The following CCDC171 variants were observed in gnomAD, a reference collection of about 807,000 sequenced individuals.
The protein encoded by CCDC171 is coiled-coil domain containing 171.
Under a neutral mutation model 168.2 loss-of-function variants are expected in CCDC171, and 177 were observed. The observed-to-expected ratio is 1.05, with a 90% CI of 0.93 to 1.19. The LOEUF (loss-of-function observed/expected upper bound fraction) is 1.19, where lower values mean the gene tolerates loss of function less well. CCDC171 is among the 50% of genes most tolerant of loss of function. The probability of loss-of-function intolerance (pLI) is 0.00; values close to 1 mark genes in which losing one functional copy is unlikely to be tolerated. For missense variants in CCDC171, 1,991 were observed against 1,539.0 expected (o/e 1.29, Z -4.91); for synonymous variants, 687 against 540.8 (o/e 1.27, Z -3.75).
intron 2 of CCDC171, among the ~76,000 whole-genome samples, chr9:15,565,881 C>T (rs2039688639): frequency 6.6e-6 from 1 of 152,200 alleles, no homozygotes; most frequent in Non-Finnish European, 1.5e-5. Flanking sequence ...TTAGGAGCAG[C>T]AATGCTGTAT....
At chr9:16,011,700 A>T (rs1330266908) in intron 3 of CCDC171, among the ~76,000 whole-genome samples, 2 of 152,184 alleles carry the variant, frequency 1.3e-5, no homozygotes, top group Non-Finnish European at 2.9e-5. Context: ...CCGATTTTGC[A>T]CTAGGACTGG....
At chr9:15,567,508 A>T (rs1397662356) in intron 2 of CCDC171, among the ~76,000 whole-genome samples, 1 of 152,200 alleles carries the variant, frequency 6.6e-6, no homozygotes, top group African/African-American at 2.4e-5. Context: ...GATTATATTG[A>T]ATATGTAGAA....
chr9:15,695,950 C>G (rs1339552211), intron 11 of CCDC171, among the ~76,000 whole-genome samples: 5 of 152,166 alleles, frequency 3.3e-5, no homozygotes. Context: ...CAATGGCTGG[C>G]TAATGAATTC....
intron 6 of CCDC171, among the ~76,000 whole-genome samples, chr9:15,616,856 T>G (rs1006401220): frequency 6.6e-6 from 1 of 152,246 alleles, no homozygotes; most frequent in Admixed American, 6.5e-5. Context: ...TTGGCCATTC[T>G]CACATTGCTA....
At chr9:16,018,232 G>C (rs1315267753) in intron 3 of CCDC171, among the ~76,000 whole-genome samples, 3 of 152,128 alleles carry the variant, frequency 2.0e-5, no homozygotes, top group South Asian at 4.1e-4. Flanking sequence ...ACTTGTAAAA[G>C]AAGCTACCAG....
At chr9:15,762,380 C>T (rs2056495664) in intron 18 of CCDC171, among the ~76,000 whole-genome samples, 1 of 152,066 alleles carries the variant, frequency 6.6e-6, no homozygotes, top group African/African-American at 2.4e-5. Context: ...TCATTAAAAC[C>T]TAAGCAGGAA....
intron 1 of CCDC171, among the ~76,000 whole-genome samples, chr9:15,560,559 C>T (rs557520655): frequency 6.6e-6 from 1 of 152,226 alleles, no homozygotes; most frequent in African/African-American, 2.4e-5. Flanking sequence ...AGTTCTCTTG[C>T]CATCGTTTTC....
intron 11 of CCDC171, among the ~76,000 whole-genome samples, chr9:15,710,035 T>G (rs2134007459): frequency 6.6e-6 from 1 of 152,298 alleles, no homozygotes; most frequent in East Asian, 1.9e-4. Flanking sequence ...TACAGATATC[T>G]GCTGTATTAT....
chr9:15,859,320 T>C (rs774899218), intron 23 of CCDC171, among the ~76,000 whole-genome samples: 6 of 152,066 alleles, frequency 3.9e-5, no homozygotes. Flanking sequence ...AGATCTATAT[T>C]CATCAGGGAT....
intron 7 of CCDC171, among the ~76,000 whole-genome samples, 178 bp from the exon 8 acceptor site, chr9:15,656,949 C>G (rs914730568): frequency 6.6e-6 from 1 of 151,512 alleles, no homozygotes; most frequent in Non-Finnish European, 1.5e-5. Flanking sequence ...GAAAAAAAAG[C>G]AGGCTCTGGA....
chr9:15,956,685 A>G (rs1267767045), intron 25 of CCDC171, among the ~76,000 whole-genome samples: 1 of 152,180 alleles, frequency 6.6e-6, no homozygotes, highest in Non-Finnish European at 1.5e-5. Flanking sequence ...TTTATTTCTT[A>G]GCCAAACATA....
chr9:15,636,739 G>T (rs1228420997), intron 7 of CCDC171, among the ~76,000 whole-genome samples: 2 of 98,792 alleles, frequency 2.0e-5, no homozygotes, highest in African/African-American at 8.0e-5. Context: ...AACAAAGTGA[G>T]ACCCTGCCTC....
chr9:15,933,742 T>G (rs1288108795), intron 25 of CCDC171, among the ~76,000 whole-genome samples: 2 of 151,950 alleles, frequency 1.3e-5, no homozygotes, highest in South Asian at 2.1e-4. Flanking sequence ...TCTTTAACCT[T>G]TACCTTGCAC....
At chr9:15,747,774 A>T (rs1285587563) in intron 18 of CCDC171, among the ~76,000 whole-genome samples, 1 of 152,234 alleles carries the variant, frequency 6.6e-6, no homozygotes, top group African/African-American at 2.4e-5. Flanking sequence ...AAGATAGATA[A>T]AACCACAAAA....
rs74704623 is a variant in CCDC171 at position 15,836,059 on chromosome 9, C to T, written c.3268-10643C>T. Among the ~76,000 whole-genome samples the T allele has an allele frequency of 1.4e-4, 22 of 152,138 alleles. No individual in the cohort carries two copies. The East Asian group carries it at 4.2e-3, about 29-fold the overall frequency. ...ATATTTAATTAAACTTCATATCTTC[C>T]CCCAATGATCCAATATTAAATGAGC... On this transcript the variant is annotated intron_variant, in intron 21 of 25. Transcript: ENST00000380701.
At chr9:15,701,577 A>ACT (rs2051741462) in intron 11 of CCDC171, among the ~76,000 whole-genome samples, 4 of 122,104 alleles carry the variant, frequency 3.3e-5, no homozygotes, top group African/African-American at 1.2e-4. Context: ...GTACAATTCC[A>ACT]TTTTTTTTTT....
chr9:15,609,384 C>T (rs1032182727), intron 6 of CCDC171, among the ~76,000 whole-genome samples: 61 of 152,302 alleles, frequency 4.0e-4, no homozygotes, highest in African/African-American at 1.4e-3. Flanking sequence ...GCTGGGATTA[C>T]AGGCGTGAAC....
chr9:15,600,645 T>G (rs1029171543), intron 6 of CCDC171, among the ~76,000 whole-genome samples: 2 of 152,148 alleles, frequency 1.3e-5, no homozygotes, highest in Non-Finnish European at 2.9e-5. Flanking sequence ...CTGGGAGAAC[T>G]GCTACTCTCT....
chr9:15,647,066 G>A (rs2047101421), intron 7 of CCDC171, among the ~76,000 whole-genome samples: 3 of 152,208 alleles, frequency 2.0e-5, no homozygotes, highest in Admixed American at 2.0e-4. Context: ...AGACCACAGT[G>A]CAATCAAACT....
Sources: gnomAD v4.1 joint callset for allele counts (sites outside exome capture counted in the v4.1 genomes callset) on GRCh38, gnomAD v4.1.1 for gene constraint, MANE v1.5 for transcripts, NCBI Gene and HGNC (gene_info 2026-07-23, HGNC 2026-07-21) for gene names.